The following VPS13B variants were observed in gnomAD, a reference collection of about 807,000 sequenced individuals.
VPS13B encodes the protein vacuolar protein sorting 13 homolog B.
Under a neutral mutation model 426.4 loss-of-function variants are expected in VPS13B, and 285 were observed. That is an observed-to-expected ratio of 0.67 (90% confidence interval 0.61 to 0.74). The LOEUF (loss-of-function observed/expected upper bound fraction) is 0.74. Among genes scored for constraint, VPS13B ranks in the 30% least tolerant of loss-of-function variants. VPS13B has a pLI of 0.00. For missense variants in VPS13B, 4,537 were observed against 4,782.6 expected, an observed-to-expected ratio of 0.95 and a Z score of 1.51; for synonymous variants, 1,676 against 1,676.4, an observed-to-expected ratio of 1.00 and a Z score of 0.01.
chr8:99,380,041 T>C (rs972322449), intron 19 of VPS13B, among the ~76,000 whole-genome samples: 1 of 152,154 alleles, frequency 6.6e-6, no homozygotes, highest in African/African-American at 2.4e-5. Context: ...TGGGGGAAAA[T>C]TCTCTTTCTT....
Position 99,349,350 on chromosome 8 carries a change from A to AAAAAAAAAAAAAAAG in VPS13B, c.2825-34853_2825-34852insAAAAAAAAAGAAAAA, listed in dbSNP as rs1184275418. 1.5e-3 allele frequency among the ~76,000 whole-genome samples: 218 copies of AAAAAAAAAAAAAAAG among 147,446 alleles called. 1 individual carries two copies. The highest frequency in any genetic ancestry group is 5.3e-3 in the African/African-American group (206 of 38,630). On this transcript the variant is annotated intron_variant, in intron 19 of 61. Transcript: ENST00000357162. ...TCCGTCTCAAAAAAAAAAAAAAAAA[A>AAAAAAAAAAAAAAAG]AAAAAGAAAATAGCATGCTTTTTCT...
chr8:99,573,615 C>T (rs1462261106), intron 31 of VPS13B, among the ~76,000 whole-genome samples: 2 of 152,006 alleles, frequency 1.3e-5, no homozygotes, highest in South Asian at 2.1e-4. Context: ...GTTGTAGATA[C>T]ACTGCATTAT....
chr8:99,765,843 C>A (rs553419602), intron 39 of VPS13B, among the ~76,000 whole-genome samples: 1 of 152,208 alleles, frequency 6.6e-6, no homozygotes, highest in Admixed American at 6.5e-5. Flanking sequence ...GGGTTTCATG[C>A]CATACATACA....
chr8:99,245,537 T>A lies in VPS13B; in HGVS notation c.2516-28661T>A, dbSNP rs1817168211. Among the ~76,000 whole-genome samples, 2 of 152,344 alleles carry A rather than the reference T, an allele frequency of 1.3e-5. 1 individual carries two copies. Among genetic ancestry groups the A allele is most frequent in the South Asian group, 4.1e-4 (2 of 4,830 alleles). ...GTCATAATATTCCTTTCTTGTCAAA[T>A]GCCTTGACCTTAAATATGAGAATAA... On this transcript the variant is annotated intron_variant, in intron 17 of 61. Coordinates refer to ENST00000357162, the MANE Select transcript of VPS13B (RefSeq NM_152564.5).
chr8:99,747,956 G>A (rs1810184189), intron 39 of VPS13B, among the ~76,000 whole-genome samples: 1 of 151,874 alleles, frequency 6.6e-6, no homozygotes, highest in Non-Finnish European at 1.5e-5. Context: ...TAGTCTATGG[G>A]CACCACTGGT....
At chr8:99,672,130 C>T (rs74899185) in intron 35 of VPS13B, among the ~76,000 whole-genome samples, 1,807 of 152,178 alleles carry the variant, frequency 0.012, 29 homozygotes, top group African/African-American at 0.041. Context: ...ACATAAATTT[C>T]AGGATTGCTT....
intron 14 of VPS13B, among the ~76,000 whole-genome samples, chr8:99,156,049 A>T (rs561308815): frequency 1.3e-5 from 2 of 152,192 alleles, no homozygotes; most frequent in South Asian, 4.1e-4. Context: ...TAACATGTGT[A>T]TTGTTAGTAG....
rs189332614 is a variant in VPS13B, at chr8:99,490,026, T to C, written c.3870+8224T>C. Among the ~76,000 whole-genome samples, 37 of 152,294 alleles carry C rather than the reference T, an allele frequency of 2.4e-4. No homozygotes were observed. The East Asian group carries it at 4.6e-3, about 19-fold the overall frequency. The stretch of plus-strand genomic sequence containing the variant: ...TCCAGTTTTTGCCTGTTCAATATGA[T>C]ATTGGCTGTGGGTTTGTCATAAATA... On this transcript the variant is annotated intron_variant, in intron 25 of 61. Coordinates refer to ENST00000357162, the MANE Select transcript of VPS13B (RefSeq NM_152564.5).
chr8:99,167,705 GTTA>G (rs1185487148), intron 15 of VPS13B, among the ~76,000 whole-genome samples: 2 of 151,912 alleles, frequency 1.3e-5, no homozygotes, highest in Non-Finnish European at 2.9e-5. Context: ...ATTCATTTTT[GTTA>G]TTTACTAATT....
intron 35 of VPS13B, among the ~76,000 whole-genome samples, chr8:99,670,102 C>T (rs1264969775): frequency 6.6e-6 from 1 of 151,856 alleles, no homozygotes; most frequent in Non-Finnish European, 1.5e-5. Flanking sequence ...AGTGCTTTTG[C>T]CTTTCTTGGT....
At chr8:99,288,393 A>G (rs1819555368) in intron 19 of VPS13B, among the ~76,000 whole-genome samples, 1 of 152,030 alleles carries the variant, frequency 6.6e-6, no homozygotes, top group South Asian at 2.1e-4. Flanking sequence ...CTCCAGAATT[A>G]CTTATTTTCA....
chr8:99,207,084 T>G (rs1261455815), intron 17 of VPS13B, among the ~76,000 whole-genome samples: 1 of 152,200 alleles, frequency 6.6e-6, no homozygotes, highest in Admixed American at 6.5e-5. Context: ...CTATATGCAC[T>G]TTTAATAATA....
chr8:99,340,425 G>A (rs367807837), intron 19 of VPS13B: 23 of 476,878 alleles, frequency 4.8e-5, no homozygotes, highest in African/African-American at 3.6e-4. Flanking sequence ...AAAGATCAAA[G>A]TGTTTCAATA....
In VPS13B at chr8:99,876,236, C is replaced by CTTTCT. The variant is rs1588821109; in HGVS notation, c.*573_*577dup. 1 of 157,696 alleles carries CTTTCT rather than the reference C, an allele frequency of 6.3e-6. No homozygotes were observed. Among genetic ancestry groups the CTTTCT allele is most frequent in the Non-Finnish European group, 1.4e-5 (1 of 71,134 alleles). 9.8% of individuals were successfully genotyped at this position (157,696 alleles called of 1,614,324 possible). On this transcript the variant is annotated 3_prime_UTR_variant, in exon 62 of 62. Coordinates refer to ENST00000357162, the MANE Select transcript of VPS13B (RefSeq NM_152564.5). ...CCTTTGTCTGCAAAGGCCTAGGATT[C>CTTTCT]TTTCTTTAAATGAAATGCTTAGGAC... is the stretch of plus-strand genomic sequence containing the variant.
intron 17 of VPS13B, among the ~76,000 whole-genome samples, chr8:99,243,066 G>A (rs1182006223): frequency 1.3e-5 from 2 of 152,170 alleles, no homozygotes; most frequent in Non-Finnish European, 2.9e-5. Flanking sequence ...AATTCATGAG[G>A]AAAGTTTGAT....
chr8:99,782,947 A>G lies in VPS13B; in HGVS notation c.7780-1368A>G, dbSNP rs16897696. On this transcript the variant is annotated intron_variant, in intron 42 of 61. Coordinates refer to ENST00000357162, the MANE Select transcript of VPS13B (RefSeq NM_152564.5). ...TGACTATGAAGCAAGGTTCGGTTCA[A>G]TGGGAATAGATGGATGATGTGAGAG... 4.2e-3 allele frequency among the ~76,000 whole-genome samples: 640 copies of G among 152,218 alleles called. 9 individuals are homozygous for G. The highest frequency in any genetic ancestry group is 0.015 in the African/African-American group (611 of 41,546).
intron 33 of VPS13B, among the ~76,000 whole-genome samples, chr8:99,597,275 G>C (rs1418208467): frequency 1.3e-5 from 2 of 151,982 alleles, no homozygotes; most frequent in Admixed American, 6.6e-5. Flanking sequence ...ACAGGGCCCA[G>C]ACAAGGATAG....
At chr8:99,269,493 G>A (rs1014832419) in intron 17 of VPS13B, among the ~76,000 whole-genome samples, 21 of 152,230 alleles carry the variant, frequency 1.4e-4, no homozygotes, top group African/African-American at 4.8e-4. Context: ...ATTAAGTTCT[G>A]TATAAAGTTT....
chr8:99,817,227 T>C (rs2130809709), intron 44 of VPS13B, among the ~76,000 whole-genome samples: 1 of 151,772 alleles, frequency 6.6e-6, no homozygotes, highest in East Asian at 2.0e-4. Flanking sequence ...CTTCTGCTTG[T>C]GCATGTTTGC....
Sources: gnomAD v4.1 joint callset for allele counts (sites outside exome capture counted in the v4.1 genomes callset) on GRCh38, gnomAD v4.1.1 for gene constraint, MANE v1.5 for transcripts, NCBI Gene and HGNC (gene_info 2026-07-23, HGNC 2026-07-21) for gene names.